Variants in PDE4D observed in about 807,000 individuals in gnomAD.
PDE4D encodes the protein phosphodiesterase 4D.
PDE4D carries 24 observed loss-of-function variants against 87.4 expected under a neutral mutation model. The observed-to-expected ratio is 0.27, with a 90% CI of 0.20 to 0.39. The LOEUF (loss-of-function observed/expected upper bound fraction) is 0.39, where lower values mean the gene tolerates loss of function less well. Among genes scored for constraint, PDE4D ranks in the 10% least tolerant of loss-of-function variants. PDE4D has a pLI of 1.00. For synonymous variants in PDE4D, 384 were observed against 383.2 expected (o/e 1.00, Z -0.02); for missense variants, 714 against 1,041.0 (o/e 0.69, Z 4.32).
intron 3 of PDE4D, among the ~76,000 whole-genome samples, chr5:59,920,792 T>C (rs1454594848): frequency 1.4e-5 from 2 of 143,060 alleles, no homozygotes; most frequent in South Asian, 2.1e-4. Flanking sequence ...TTCTCACTCA[T>C]AGGTGGGAAC....
At chr5:60,269,960 C>T (rs577113252) in intron 1 of PDE4D, among the ~76,000 whole-genome samples, 5 of 152,116 alleles carry the variant, frequency 3.3e-5, no homozygotes, top group Non-Finnish European at 7.4e-5. Flanking sequence ...TAAAGGCAAA[C>T]GGTTTTTATC....
At chr5:59,026,303 G>T (rs1756224892) in intron 6 of PDE4D, among the ~76,000 whole-genome samples, 1 of 152,120 alleles carries the variant, frequency 6.6e-6, no homozygotes, top group Non-Finnish European at 1.5e-5. Context: ...CTGAGATTAA[G>T]TGAGAAATGC....
intron 1 of PDE4D, among the ~76,000 whole-genome samples, chr5:59,259,309 A>T (rs1202668350): frequency 2.6e-5 from 4 of 151,902 alleles, no homozygotes; most frequent in Non-Finnish European, 5.9e-5. Flanking sequence ...CATGTAAAAG[A>T]AGATGAGTTC....
chr5:59,809,493 A>G (rs374567355), intron 1 of PDE4D, among the ~76,000 whole-genome samples: 1 of 152,198 alleles, frequency 6.6e-6, no homozygotes, highest in Non-Finnish European at 1.5e-5. Context: ...AGAATAAATC[A>G]TACCATTTGG....
intron 5 of PDE4D, among the ~76,000 whole-genome samples, chr5:59,048,232 T>TA (rs536748856): frequency 4.9e-4 from 75 of 152,326 alleles, no homozygotes; most frequent in Admixed American, 2.4e-3. Context: ...CAAACAGGTT[T>TA]AAAAAAAGTT....
intron 1 of PDE4D, among the ~76,000 whole-genome samples, chr5:60,282,102 C>G (rs974199508): frequency 2.0e-5 from 3 of 151,202 alleles, no homozygotes; most frequent in African/African-American, 7.3e-5. Flanking sequence ...ACATATAAAA[C>G]AAGTAAGTCA....
In PDE4D at chr5:59,441,243, G is replaced by C. The variant is rs372660858; in HGVS notation, c.456-225275C>G. 7.9e-5 allele frequency among the ~76,000 whole-genome samples: 12 copies of C among 152,138 alleles called. No individual in the cohort carries two copies. The East Asian group carries it at 1.9e-3, about 25-fold the overall frequency. ...CTGAGTAGCTGGAATTACAGGTATG[G>C]GCCACTGCACAAGCTAATTTTTTAA... is the stretch of plus-strand genomic sequence containing the variant. On this transcript the variant is annotated intron_variant, in intron 1 of 14. Coordinates refer to ENST00000340635, the MANE Select transcript of PDE4D (RefSeq NM_001104631.2).
At chr5:59,875,058 C>T (rs1282384661) in intron 1 of PDE4D, among the ~76,000 whole-genome samples, 3 of 152,112 alleles carry the variant, frequency 2.0e-5, no homozygotes, top group South Asian at 4.1e-4. Flanking sequence ...AAGGATCCCA[C>T]TTATAATATC....
chr5:60,167,627 T>C lies in PDE4D; in HGVS notation c.42+17930A>G, dbSNP rs147041655. On this transcript the variant is annotated intron_variant, in intron 2 of 16. Coordinates refer to the PDE4D transcript ENST00000502484. ...TATTTCATTTTCATTTTGTTCATTGTATATTTTAGCTCTAGGATTTCTGTT... is the reference window on the plus strand; with the variant it reads ...TATTTCATTTTCATTTTGTTCATTGCATATTTTAGCTCTAGGATTTCTGTT... Among the ~76,000 whole-genome samples, 1,069 of 152,316 alleles carry C rather than the reference T, an allele frequency of 7.0e-3. 13 individuals are homozygous for C. Among genetic ancestry groups the C allele is most frequent in the African/African-American group, 0.025 (1,030 of 41,562 alleles).
chr5:59,340,970 AAT>A (rs1343266449), intron 1 of PDE4D, among the ~76,000 whole-genome samples: 5 of 152,180 alleles, frequency 3.3e-5, no homozygotes, highest in African/African-American at 1.2e-4. Flanking sequence ...AATTAATTTA[AAT>A]ATGTTTTATT....
chr5:59,900,014 C>A (rs190494042), intron 3 of PDE4D, among the ~76,000 whole-genome samples: 1 of 152,052 alleles, frequency 6.6e-6, no homozygotes, highest in Admixed American at 6.6e-5. Flanking sequence ...CCAAGGTGGG[C>A]GGATCACTTG....
chr5:60,359,498 T>G (rs1759881340), intron 1 of PDE4D, among the ~76,000 whole-genome samples: 1 of 152,168 alleles, frequency 6.6e-6, no homozygotes, highest in African/African-American at 2.4e-5. Context: ...AGGTGGGTCT[T>G]ATAAAGAAGT....
chr5:59,632,895 TCACAGAAATAGG>T (rs1157336324), intron 1 of PDE4D, among the ~76,000 whole-genome samples: 5 of 152,254 alleles, frequency 3.3e-5, no homozygotes, highest in African/African-American at 1.2e-4. Context: ...TTAGATCAAT[TCACAGAAATAGG>T]CTTCAGAAGG....
intron 1 of PDE4D, among the ~76,000 whole-genome samples, chr5:59,361,660 G>A (rs1194127255): frequency 6.6e-6 from 1 of 152,058 alleles, no homozygotes; most frequent in Non-Finnish European, 1.5e-5. Flanking sequence ...CATTAGTAAT[G>A]ACTTATTTGG....
chr5:60,503,966 C>A (rs1406172540), intron 1 of PDE4D, among the ~76,000 whole-genome samples: 1 of 152,176 alleles, frequency 6.6e-6, no homozygotes, highest in East Asian at 1.9e-4. Context: ...CTGAAGGGGA[C>A]AGCTGTAAGA....
At chr5:60,212,239 G>A (rs544160583) in intron 1 of PDE4D, among the ~76,000 whole-genome samples, 1 of 152,004 alleles carries the variant, frequency 6.6e-6, no homozygotes, top group East Asian at 1.9e-4. Flanking sequence ...TGGTAAATTT[G>A]CCTGCTTAGC....
At chr5:59,545,689 C>A (rs1291212166) in intron 1 of PDE4D, among the ~76,000 whole-genome samples, 2 of 152,124 alleles carry the variant, frequency 1.3e-5, no homozygotes, top group Non-Finnish European at 2.9e-5. Flanking sequence ...CTTTGAAGAG[C>A]TATATTGAGT....
At chr5:60,006,652 G>A (rs1764506608) in intron 2 of PDE4D, among the ~76,000 whole-genome samples, 1 of 151,918 alleles carries the variant, frequency 6.6e-6, no homozygotes, top group African/African-American at 2.4e-5. Flanking sequence ...GATGATACAG[G>A]ATATTAAGGT....
chr5:59,496,254 T>C (rs1448117673), intron 1 of PDE4D, among the ~76,000 whole-genome samples: 1 of 152,074 alleles, frequency 6.6e-6, no homozygotes, highest in Non-Finnish European at 1.5e-5. Flanking sequence ...ACCAGCGTGC[T>C]CCCCTCGATG....
Sources: allele counts gnomAD v4.1 joint callset (sites outside exome capture counted in the v4.1 genomes callset), GRCh38; gene constraint gnomAD v4.1.1; transcripts MANE v1.5; gene names NCBI Gene and HGNC (gene_info 2026-07-23, HGNC 2026-07-21).